HS6ST3: variants seen among roughly 807,000 people sequenced by gnomAD.
The protein encoded by HS6ST3 is heparan sulfate 6-O-sulfotransferase 3.
Under a neutral mutation model 36.7 loss-of-function variants are expected in HS6ST3, and 12 were observed. The observed-to-expected ratio is 0.33, with a 90% confidence interval of 0.21 to 0.53. HS6ST3 has a LOEUF of 0.53. Ranked by LOEUF, HS6ST3 falls within the 20% of genes least tolerant of loss-of-function variation. HS6ST3 has a pLI of 0.95. For synonymous variants in HS6ST3, 240 were observed against 257.5 expected, an observed-to-expected ratio of 0.93 and a Z score of 0.65; for missense variants, 584 against 640.9, an observed-to-expected ratio of 0.91 and a Z score of 0.96.
rs535467743 is a variant in HS6ST3 at position 96,125,116 on chromosome 13, T to C, written c.707+33547T>C. ...TTTTTGAATATTTATTTCTAATTTA[T>C]GTTGTACATACTGCAAGGGTATCTG... On this transcript the variant is annotated intron_variant, in intron 1 of 1. Coordinates refer to ENST00000376705, the MANE Select transcript of HS6ST3 (RefSeq NM_153456.4). Among the ~76,000 whole-genome samples, 15 of 152,358 alleles carry C rather than the reference T, an allele frequency of 9.8e-5. No homozygotes were observed. In the South Asian group the frequency reaches 2.5e-3, roughly 25 times the overall value.
intron 1 of HS6ST3, among the ~76,000 whole-genome samples, chr13:96,274,371 A>AAGGC (rs1177003695): frequency 1.3e-5 from 2 of 152,116 alleles, no homozygotes; most frequent in East Asian, 3.9e-4. Flanking sequence ...CTGTAGGACC[A>AAGGC]AGGCAGTTTC....
intron 1 of HS6ST3, among the ~76,000 whole-genome samples, chr13:96,402,482 T>A (rs1235562037): frequency 6.6e-6 from 1 of 152,196 alleles, no homozygotes; most frequent in Non-Finnish European, 1.5e-5. Flanking sequence ...GCTTTATGAC[T>A]TTTGAAAACT....
At chr13:96,668,171 TACAC>T (rs575336142) in intron 1 of HS6ST3, among the ~76,000 whole-genome samples, 4 of 149,046 alleles carry the variant, frequency 2.7e-5, no homozygotes, top group East Asian at 2.0e-4. Context: ...CACACACGCA[TACAC>T]ACACACACAC....
intron 1 of HS6ST3, among the ~76,000 whole-genome samples, chr13:96,295,238 C>T (rs2054849303): frequency 6.6e-6 from 1 of 151,908 alleles, no homozygotes; most frequent in South Asian, 2.1e-4. Flanking sequence ...ATAATAATAC[C>T]TCCATGTTTT....
At chr13:96,777,503 C>T (rs997604234) in intron 1 of HS6ST3, among the ~76,000 whole-genome samples, 2 of 152,132 alleles carry the variant, frequency 1.3e-5, no homozygotes, top group African/African-American at 4.8e-5. Flanking sequence ...AATCAATGTA[C>T]AAAAATCACA....
chr13:96,691,456 A>G (rs555261660), intron 1 of HS6ST3, among the ~76,000 whole-genome samples: 2 of 152,254 alleles, frequency 1.3e-5, no homozygotes, highest in Non-Finnish European at 2.9e-5. Context: ...GAATTTAAAT[A>G]AAGCTTATAA....
intron 1 of HS6ST3, among the ~76,000 whole-genome samples, chr13:96,226,085 CTGAT>C: frequency 6.6e-6 from 1 of 152,216 alleles, no homozygotes; most frequent in African/African-American, 2.4e-5. Flanking sequence ...TTAATGTAGA[CTGAT>C]TGGTTTTGGA....
Position 96,311,696 on chromosome 13 carries a change from T to C in HS6ST3, c.707+220127T>C, listed in dbSNP as rs1017975097. On this transcript the variant is annotated intron_variant, in intron 1 of 1. Coordinates refer to ENST00000376705, the MANE Select transcript of HS6ST3 (RefSeq NM_153456.4). ...GGAGGTGGATGTGATTCAGACCAAATAGAACATTTTGCAATATCCTGTTCG... is the reference window on the plus strand; with the variant it reads ...GGAGGTGGATGTGATTCAGACCAAACAGAACATTTTGCAATATCCTGTTCG... Among the ~76,000 whole-genome samples the C allele has an allele frequency of 5.3e-5, 8 of 152,322 alleles. No homozygotes were observed. In the East Asian group the frequency reaches 1.4e-3, roughly 26 times the overall value.
intron 1 of HS6ST3, among the ~76,000 whole-genome samples, chr13:96,571,273 C>A (rs2138962116): frequency 6.6e-6 from 1 of 152,274 alleles, no homozygotes; most frequent in Admixed American, 6.5e-5. Flanking sequence ...ATGGCCAGAC[C>A]ATCCTGCATG....
At chr13:96,239,568 G>A (rs940293236) in intron 1 of HS6ST3, among the ~76,000 whole-genome samples, 54 of 152,146 alleles carry the variant, frequency 3.5e-4, no homozygotes, top group African/African-American at 1.3e-3. Context: ...TTTTATTAAA[G>A]CCAATTACAC....
chr13:96,462,804 GTATC>G (rs1381313579), intron 1 of HS6ST3, among the ~76,000 whole-genome samples: 5 of 152,158 alleles, frequency 3.3e-5, no homozygotes, highest in African/African-American at 9.7e-5. Flanking sequence ...ATGTATGTTT[GTATC>G]TATCTATCTA....
At chr13:96,317,356 A>ATATAAAAT (rs1555297616) in intron 1 of HS6ST3, among the ~76,000 whole-genome samples, 562 of 13,912 alleles carry the variant, frequency 0.04, 4 homozygotes, top group African/African-American at 0.087. Context: ...ATATATATAT[A>ATATAAAAT]TATATATATA....
At chr13:96,467,867 G>A (rs571999615) in intron 1 of HS6ST3, among the ~76,000 whole-genome samples, 1 of 152,270 alleles carries the variant, frequency 6.6e-6, no homozygotes, top group African/African-American at 2.4e-5. Context: ...TTGACCCACT[G>A]TTTATACCCA....
At chr13:96,202,890 C>G (rs142896726) in intron 1 of HS6ST3, among the ~76,000 whole-genome samples, 14 of 152,290 alleles carry the variant, frequency 9.2e-5, no homozygotes, top group Non-Finnish European at 1.3e-4. Context: ...GTGTGATAAA[C>G]TCCAAGATGA....
chr13:96,258,752 A>G (rs1176973598), intron 1 of HS6ST3, among the ~76,000 whole-genome samples: 1 of 152,320 alleles, frequency 6.6e-6, no homozygotes, highest in East Asian at 1.9e-4. Context: ...TATCTAATGA[A>G]TAATGGTCCA....
intron 1 of HS6ST3, among the ~76,000 whole-genome samples, chr13:96,183,202 C>T (rs1442992897): frequency 4.6e-5 from 7 of 151,298 alleles, no homozygotes; most frequent in African/African-American, 7.3e-5. Flanking sequence ...TTTTTTTTGG[C>T]GGGGGGGAAG....
intron 1 of HS6ST3, among the ~76,000 whole-genome samples, chr13:96,628,022 T>A (rs1450592602): frequency 6.6e-6 from 1 of 151,952 alleles, no homozygotes; most frequent in African/African-American, 2.4e-5. Flanking sequence ...AGTTCTTTAT[T>A]CTCTTTGTGA....
intron 1 of HS6ST3, among the ~76,000 whole-genome samples, chr13:96,822,312 C>T (rs1208930549): frequency 3.9e-5 from 6 of 152,148 alleles, no homozygotes; most frequent in Non-Finnish European, 7.3e-5. Context: ...CAAAGCAGGG[C>T]GCCTCTGAAC....
Position 96,776,632 on chromosome 13 carries a change from A to T in HS6ST3, c.708-55858A>T, listed in dbSNP as rs991440496. 7.0e-4 allele frequency among the ~76,000 whole-genome samples: 107 copies of T among 152,330 alleles called. 2 individuals are homozygous for T. Among genetic ancestry groups the T allele is most frequent in the African/African-American group, 2.5e-3 (102 of 41,576 alleles). ...TCCTGGACACATAGACCCTCGCAAG[A>T]CTAAACCAGGAAGAAGTCGAATCCC... is the stretch of plus-strand genomic sequence containing the variant. On this transcript the variant is annotated intron_variant, in intron 1 of 1. Transcript: ENST00000376705.
Sources: gnomAD v4.1 joint callset for allele counts (sites outside exome capture counted in the v4.1 genomes callset) on GRCh38, gnomAD v4.1.1 for gene constraint, MANE v1.5 for transcripts, NCBI Gene and HGNC (gene_info 2026-07-23, HGNC 2026-07-21) for gene names.